Variants in COX15 observed in about 807,000 individuals in gnomAD.
COX15 encodes the protein cytochrome c oxidase assembly factor COX15, also known as heme A synthase COX15.
A neutral mutation model predicts 51.9 loss-of-function variants in COX15; 51 were observed. That is an observed-to-expected ratio of 0.98 (90% CI 0.78 to 1.24). The LOEUF (loss-of-function observed/expected upper bound fraction) is 1.24, where lower values mean the gene tolerates loss of function less well. Ranked by LOEUF, COX15 falls within the 50% of genes most tolerant of loss-of-function variation. The pLI is 0.00. For missense variants in COX15, 420 were observed against 501.1 expected (o/e 0.84, Z 1.55); for synonymous variants, 188 against 190.5 (o/e 0.99, Z 0.11).
At chr10:99,719,798 T>C (rs557891282) in intron 6 of COX15, among the ~76,000 whole-genome samples, 2 of 152,178 alleles carry the variant, frequency 1.3e-5, no homozygotes, top group Non-Finnish European at 2.9e-5. Flanking sequence ...ACCCACTCCA[T>C]ATTTTTTTTA....
downstream of COX15, chr10:99,710,699 C>T: frequency 1.0e-6 from 1 of 985,402 alleles, no homozygotes; most frequent in Non-Finnish European, 1.2e-6. Context: ...CACCATTCAT[C>T]CCAGGACCAC....
At chr10:99,695,993 TG>T in the COX15 span, 6 of 1,613,772 alleles carry the variant, frequency 3.7e-6, no homozygotes, top group Middle Eastern at 1.6e-4. Flanking sequence ...GAGTTCAACC[TG>T]GGCTGTGATG....
At chr10:99,698,860 T>G in the COX15 span, 1 of 1,586,050 alleles carries the variant, frequency 6.3e-7, no homozygotes, top group Non-Finnish European at 8.6e-7. Context: ...GCTGCTCAGG[T>G]AAATTATTAA....
the COX15 span, chr10:99,696,183 G>GA: frequency 5.7e-6 from 9 of 1,572,656 alleles, no homozygotes; most frequent in African/African-American, 1.2e-4. Context: ...ATATTAGGGA[G>GA]AAATACTCAC....
chr10:99,724,749 G>C (rs1267925641), intron 4 of COX15, among the ~76,000 whole-genome samples: 1 of 149,728 alleles, frequency 6.7e-6, no homozygotes, highest in African/African-American at 2.5e-5. Context: ...AAAAAAAAAA[G>C]GTCCATGGAT....
At chr10:99,710,492 G>C, downstream of COX15, 1 of 985,312 alleles carries the variant, frequency 1.0e-6, no homozygotes. Flanking sequence ...CATTGCTTTG[G>C]GGAGTTGTTA....
chr10:99,694,782 C>T, the COX15 span, among the ~76,000 whole-genome samples: 1 of 152,146 alleles, frequency 6.6e-6, no homozygotes, highest in Non-Finnish European at 1.5e-5. Flanking sequence ...AGTGATCCAC[C>T]CTCCTTGGCC....
chr10:99,710,986 GT>G lies in COX15; in HGVS notation c.*3600del. 1 of 984,966 alleles carries G rather than the reference GT, an allele frequency of 1.0e-6. No individual in the cohort carries two copies. Among genetic ancestry groups the G allele is most frequent in the Non-Finnish European group, 1.2e-6 (1 of 829,708 alleles). 61.0% of individuals were successfully genotyped at this position (984,966 alleles called of 1,614,324 possible). A position where few individuals can be genotyped will look rare whatever the true frequency, so the allele number is the denominator to read the frequency against. ...TAATCCTATAGGTATGTGATGACTT[GT>G]TTTTTTGGAAAAAGGTATTTGGAAC... On this transcript the variant is annotated 3_prime_UTR_variant, in exon 9 of 9. Transcript: ENST00000016171.
chr10:99,722,544 T>C (rs1262761569), intron 5 of COX15, among the ~76,000 whole-genome samples: 1 of 152,046 alleles, frequency 6.6e-6, no homozygotes, highest in Non-Finnish European at 1.5e-5. Context: ...TTTTAGAAGT[T>C]TGGCTTTGAT....
the COX15 span, among the ~76,000 whole-genome samples, chr10:99,703,121 CTT>C: frequency 6.6e-6 from 1 of 152,152 alleles, no homozygotes; most frequent in South Asian, 2.1e-4. Flanking sequence ...ACTTAGAAGG[CTT>C]TTTGGTGGGT....
At chr10:99,716,484 CACAT>C in intron 7 of COX15, 23 bp from the exon 8 acceptor site, 2 of 1,533,144 alleles carry the variant, frequency 1.3e-6, no homozygotes, top group Non-Finnish European at 9.0e-7. Context: ...AAGAGTCTAT[CACAT>C]TAGATAGAAG....
chr10:99,720,904 G>A, intron 6 of COX15, 83 bp downstream of exon 6: 1 of 1,016,744 alleles, frequency 9.8e-7, no homozygotes, highest in East Asian at 2.4e-5. Flanking sequence ...TAAAGATGCA[G>A]GAGGAAGGGG....
rs1564641976 is a variant in COX15 at position 99,711,285 on chromosome 10, A to G, written c.*3302T>C. 3 of 985,320 alleles carry G rather than the reference A, an allele frequency of 3.0e-6. No individual in the cohort carries two copies. The highest frequency in any genetic ancestry group is 2.4e-6 in the Non-Finnish European group (2 of 829,934). The allele number at this position is 985,320 out of a possible 1,614,324, so 61.0% of individuals were successfully genotyped here. A position where few individuals can be genotyped will look rare whatever the true frequency, so the allele number is the denominator to read the frequency against. ...CTTCCTTGGAGGCAACTGTAGAAGC[A>G]TTAATATATGGTTCTTTGGGTTGGG... On this transcript the variant is annotated 3_prime_UTR_variant, in exon 9 of 9. Coordinates refer to ENST00000016171, the MANE Select transcript of COX15 (RefSeq NM_078470.6).
At chr10:99,714,825 A>T in intron 8 of COX15, 107 bp from the exon 9 acceptor site, 3 of 1,578,572 alleles carry the variant, frequency 1.9e-6, no homozygotes, top group Non-Finnish European at 2.6e-6. Flanking sequence ...CTCCTATCAG[A>T]GCACTTAAAA....
In COX15 at chr10:99,714,682, G is replaced by C; in HGVS notation, c.1138C>G (p.Pro380Ala). Reference sequence around the variant, plus strand: ...TGGTGAGTGGCGGCCAGAGGAGTTGGGACATACATCAGCAGCGTGCTGATG... The same window carrying C: ...TGGTGAGTGGCGGCCAGAGGAGTTGCGACATACATCAGCAGCGTGCTGATG... ...LGISTLLMYV[P>A]TPLAATHQSG... is the part of the protein sequence containing the mutation. The change falls in exon 9 of 9, where the codon CCA becomes GCA. Residue 380 changes from proline (P) to alanine (A), a missense_variant. Pro to Ala is a conservative substitution (Grantham distance 27). Coordinates refer to ENST00000016171, the MANE Select transcript of COX15 (RefSeq NM_078470.6). 1 of 1,613,942 alleles carries C rather than the reference G, an allele frequency of 6.2e-7. No individual in the cohort carries two copies.
chr10:99,719,005 T>C (rs993219668), intron 6 of COX15, among the ~76,000 whole-genome samples: 3 of 152,194 alleles, frequency 2.0e-5, no homozygotes, highest in Non-Finnish European at 4.4e-5. Context: ...GCACTAAATA[T>C]CATCTAGCAC....
downstream of COX15, chr10:99,708,663 CT>C (rs1462810763): frequency 3.7e-6 from 1 of 268,438 alleles, no homozygotes; most frequent in Non-Finnish European, 5.7e-6. Context: ...TCCATAACCC[CT>C]GATGATAAGG....
In COX15 at chr10:99,713,378, A is replaced by G. The variant is rs778611852; in HGVS notation, c.*1209T>C. ...CTGTTTTCAGTTGCCACTGTCATCTATTATATTAGCAATATTGGGTTGCTC... is the reference window on the plus strand; with the variant it reads ...CTGTTTTCAGTTGCCACTGTCATCTGTTATATTAGCAATATTGGGTTGCTC... On this transcript the variant is annotated 3_prime_UTR_variant, in exon 9 of 9. Coordinates refer to ENST00000016171, the MANE Select transcript of COX15 (RefSeq NM_078470.6). 1.9e-6 allele frequency: 3 copies of G among 1,613,656 alleles called. No homozygotes were observed. The highest frequency in any genetic ancestry group is 2.5e-6 in the Non-Finnish European group (3 of 1,179,936).
intron 1 of COX15, 105 bp downstream of exon 1, chr10:99,731,855 T>C: frequency 6.9e-7 from 1 of 1,447,082 alleles, no homozygotes; most frequent in Non-Finnish European, 9.5e-7. Flanking sequence ...GTGAGTGCAC[T>C]GTAAGGAGCT....
Sources: gnomAD v4.1 joint callset for allele counts (sites outside exome capture counted in the v4.1 genomes callset) on GRCh38, gnomAD v4.1.1 for gene constraint, MANE v1.5 for transcripts, NCBI Gene and HGNC (gene_info 2026-07-23, HGNC 2026-07-21) for gene names.